Variants in DAB1 observed in about 807,000 individuals in gnomAD.
The protein encoded by DAB1 is DAB adaptor protein 1.
DAB1 carries 15 observed loss-of-function variants against 64.6 expected under a neutral mutation model. The ratio of observed to expected loss-of-function variants is 0.23; its 90% CI spans 0.16 to 0.36. The LOEUF is 0.36. Among genes scored for constraint, DAB1 ranks in the 10% least tolerant of loss-of-function variants. The pLI, the probability that DAB1 is intolerant of heterozygous loss-of-function variation, is 1.00. For synonymous variants in DAB1, 235 were observed against 251.9 expected (o/e 0.93, Z 0.64); for missense variants, 596 against 706.7 (o/e 0.84, Z 1.78).
chr1:58,455,949 A>G (rs1409706705), intron 3 of DAB1, among the ~76,000 whole-genome samples: 1 of 152,240 alleles, frequency 6.6e-6, no homozygotes, highest in Non-Finnish European at 1.5e-5. Flanking sequence ...GCTCCGAGTC[A>G]GCCCAGAGCA....
chr1:57,828,386 C>G (rs1307310775), intron 1 of DAB1, among the ~76,000 whole-genome samples: 2 of 152,188 alleles, frequency 1.3e-5, no homozygotes, highest in East Asian at 3.8e-4. Context: ...ATACAGTTTT[C>G]CTTTTGATAC....
chr1:57,553,422 G>GAAGAAAGAAAAAGAAAGAAAGAAAGAA, intron 7 of DAB1, among the ~76,000 whole-genome samples: 1 of 18,346 alleles, frequency 5.5e-5, no homozygotes, highest in Admixed American at 5.2e-4. Context: ...AAGAAAGAAA[G>GAAGAAAGAAAAAGAAAGAAAGAAAGAA]AAAGAAAGAA....
At chr1:57,964,029 C>A (rs1264887390) in intron 5 of DAB1, among the ~76,000 whole-genome samples, 1 of 152,170 alleles carries the variant, frequency 6.6e-6, no homozygotes, top group Non-Finnish European at 1.5e-5. Context: ...ATATCCCCAA[C>A]ACACAAAGAG....
chr1:57,459,686 C>T (rs983163871), intron 7 of DAB1, among the ~76,000 whole-genome samples: 4 of 152,248 alleles, frequency 2.6e-5, no homozygotes, highest in Middle Eastern at 3.4e-3. Flanking sequence ...AGAACAGTCA[C>T]CAGATCCACG....
At position 58,080,840 on chromosome 1, in the gene DAB1, A is replaced by G. The variant is rs1282572954; in HGVS notation, n.387+69671T>C. Among the ~76,000 whole-genome samples the G allele has an allele frequency of 2.0e-5, 3 of 152,342 alleles. No individual in the cohort carries two copies. The East Asian group carries it at 5.8e-4, about 29-fold the overall frequency. ...CCCCAAAATAACTACCCATCCTGCAACTGATGTTTGCTATCATACAATTAA... is the reference window on the plus strand; with the variant it reads ...CCCCAAAATAACTACCCATCCTGCAGCTGATGTTTGCTATCATACAATTAA... On this transcript the variant is annotated intron_variant and non_coding_transcript_variant, in intron 5 of 20. Coordinates refer to the DAB1 transcript ENST00000485760.
intron 3 of DAB1, among the ~76,000 whole-genome samples, chr1:58,360,237 A>C (rs918898878): frequency 6.6e-6 from 1 of 152,182 alleles, no homozygotes; most frequent in African/African-American, 2.4e-5. Context: ...GGCCAAGGGA[A>C]GGCTGCAAGG....
intron 7 of DAB1, among the ~76,000 whole-genome samples, chr1:57,645,869 C>T (rs536445168): frequency 3.3e-5 from 5 of 152,250 alleles, no homozygotes; most frequent in Admixed American, 2.0e-4. Context: ...AGAGCCCTCT[C>T]GAAGTTTTTA....
intron 6 of DAB1, among the ~76,000 whole-genome samples, chr1:57,749,826 C>T (rs747862971): frequency 3.9e-5 from 6 of 152,094 alleles, no homozygotes; most frequent in Non-Finnish European, 7.4e-5. Context: ...ATGCTACAAC[C>T]AAAAAACATT....
chr1:57,858,939 G>T (rs1653879865), intron 1 of DAB1, among the ~76,000 whole-genome samples: 1 of 151,972 alleles, frequency 6.6e-6, no homozygotes, highest in Non-Finnish European at 1.5e-5. Context: ...AGTATGGAAT[G>T]CAGACTTGCC....
intron 1 of DAB1, among the ~76,000 whole-genome samples, chr1:57,847,438 T>C (rs1653340483): frequency 6.7e-6 from 1 of 149,624 alleles, no homozygotes; most frequent in South Asian, 2.1e-4. Flanking sequence ...TGGTTTAAGT[T>C]CTTCTAATAA....
chr1:57,173,963 G>A (rs964201902), intron 2 of DAB1, among the ~76,000 whole-genome samples: 4 of 152,262 alleles, frequency 2.6e-5, no homozygotes, highest in African/African-American at 7.2e-5. Context: ...AACAAGGTAT[G>A]ATCACTGCCC....
At chr1:58,530,993 T>C (rs12139614) in intron 1 of DAB1, among the ~76,000 whole-genome samples, 22,984 of 152,160 alleles carry the variant, frequency 0.15, 1,961 homozygotes, top group Admixed American at 0.26. Flanking sequence ...TTTCTTATAT[T>C]AACAGGCATA....
intron 9 of DAB1, among the ~76,000 whole-genome samples, chr1:57,037,106 A>G (rs1243483606): frequency 6.6e-6 from 1 of 152,208 alleles, no homozygotes; most frequent in Non-Finnish European, 1.5e-5. Context: ...GTACTGGTCT[A>G]GGGTGGGGCC....
intron 3 of DAB1, among the ~76,000 whole-genome samples, chr1:58,423,305 C>T (rs977314927): frequency 5.9e-5 from 9 of 152,180 alleles, no homozygotes; most frequent in Non-Finnish European, 1.5e-5. Flanking sequence ...CAAGAAGAGC[C>T]TTGCCAAGTC....
At chr1:58,186,420 G>A (rs868345086) in intron 4 of DAB1, among the ~76,000 whole-genome samples, 1 of 152,184 alleles carries the variant, frequency 6.6e-6, no homozygotes, top group Non-Finnish European at 1.5e-5. Context: ...CAACCAAGAA[G>A]CCTGGGAATA....
chr1:58,340,784 G>C (rs1193823568), intron 4 of DAB1, among the ~76,000 whole-genome samples: 2 of 152,194 alleles, frequency 1.3e-5, no homozygotes, highest in Non-Finnish European at 2.9e-5. Context: ...TGTGCTTGTA[G>C]TCAAGTCACT....
chr1:58,019,102 C>T (rs550366684), intron 5 of DAB1, among the ~76,000 whole-genome samples: 10 of 152,100 alleles, frequency 6.6e-5, no homozygotes, highest in Non-Finnish European at 1.3e-4. Context: ...AAATGAATGG[C>T]CCAGATATGA....
At chr1:58,218,196 G>A (rs1658957600) in intron 4 of DAB1, among the ~76,000 whole-genome samples, 1 of 152,100 alleles carries the variant, frequency 6.6e-6, no homozygotes, top group African/African-American at 2.4e-5. Context: ...GATTTGGGCA[G>A]CCTATGAAGA....
intron 7 of DAB1, among the ~76,000 whole-genome samples, chr1:57,434,606 G>A (rs1020084841): frequency 5.9e-5 from 9 of 152,188 alleles, no homozygotes; most frequent in Non-Finnish European, 1.3e-4. Context: ...GATATGCTCT[G>A]AGAAATGCGT....
Sources: gnomAD v4.1 joint callset for allele counts (sites outside exome capture counted in the v4.1 genomes callset) on GRCh38, gnomAD v4.1.1 for gene constraint, MANE v1.5 for transcripts, NCBI Gene and HGNC (gene_info 2026-07-23, HGNC 2026-07-21) for gene names.